The following AK5 variants were observed in gnomAD, a reference collection of about 807,000 sequenced individuals.
AK5 encodes the protein adenylate kinase 5.
AK5 carries 27 observed loss-of-function variants against 69.5 expected under a neutral mutation model. That is an observed-to-expected ratio of 0.39 (90% CI 0.29 to 0.54). The LOEUF (loss-of-function observed/expected upper bound fraction) is 0.54, where lower values mean the gene tolerates loss of function less well. AK5 is among the 20% of genes least tolerant of loss of function. The pLI is 0.71. For synonymous variants in AK5, 260 were observed against 244.4 expected (o/e 1.06, Z -0.60); for missense variants, 531 against 700.4 (o/e 0.76, Z 2.73).
At chr1:77,398,079 T>C (rs1041537202) in intron 6 of AK5, among the ~76,000 whole-genome samples, 8 of 152,200 alleles carry the variant, frequency 5.3e-5, no homozygotes, top group Non-Finnish European at 1.2e-4. Flanking sequence ...ACAATAATTA[T>C]GAACTGACCA....
At chr1:77,319,585 A>AAC (rs1370093248) in intron 5 of AK5, among the ~76,000 whole-genome samples, 3 of 152,198 alleles carry the variant, frequency 2.0e-5, no homozygotes, top group Non-Finnish European at 4.4e-5. Context: ...GCCCAGTGGT[A>AAC]ACATTTTGTA....
rs187002368 is a variant in AK5, at chr1:77,465,031, G to A, written c.1060-18286G>A. ...GTTGCTCTTGGAAAGAGGGAGCAGCGTCTTCCCTTTGCTTCTCTGCTTCTC... is the reference window on the plus strand; with the variant it reads ...GTTGCTCTTGGAAAGAGGGAGCAGCATCTTCCCTTTGCTTCTCTGCTTCTC... On this transcript the variant is annotated intron_variant, in intron 8 of 13. Transcript: ENST00000354567. Among the ~76,000 whole-genome samples the A allele has an allele frequency of 3.9e-5, 6 of 152,298 alleles. No homozygotes were observed. The East Asian group carries it at 5.8e-4, about 15-fold the overall frequency.
intron 8 of AK5, among the ~76,000 whole-genome samples, chr1:77,467,427 T>C (rs1654211074): frequency 6.6e-6 from 1 of 152,108 alleles, no homozygotes; most frequent in African/African-American, 2.4e-5. Context: ...AGAAAATGAA[T>C]AGGAAAAACA....
chr1:77,531,219 C>G (rs547923511), intron 12 of AK5, among the ~76,000 whole-genome samples: 1 of 152,320 alleles, frequency 6.6e-6, no homozygotes, highest in East Asian at 1.9e-4. Context: ...CGCAGTGTTA[C>G]AGCTCATAAA....
intron 8 of AK5, among the ~76,000 whole-genome samples, chr1:77,448,520 G>A (rs1191206278): frequency 2.6e-5 from 4 of 152,188 alleles, no homozygotes; most frequent in Non-Finnish European, 5.9e-5. Flanking sequence ...CCTGTGGATA[G>A]GAACTACCCA....
At chr1:77,411,416 G>A (rs566740672) in intron 7 of AK5, among the ~76,000 whole-genome samples, 1 of 152,154 alleles carries the variant, frequency 6.6e-6, no homozygotes, top group East Asian at 1.9e-4. Flanking sequence ...TAACTCATAC[G>A]ATAGGTTTCT....
intron 6 of AK5, among the ~76,000 whole-genome samples, chr1:77,397,080 GT>G (rs1216038684): frequency 6.6e-6 from 1 of 152,160 alleles, no homozygotes; most frequent in African/African-American, 2.4e-5. Flanking sequence ...TCAGATAACT[GT>G]AAGAAAAGGA....
At chr1:77,544,627 A>G (rs1659446662) in intron 13 of AK5, among the ~76,000 whole-genome samples, 1 of 151,992 alleles carries the variant, frequency 6.6e-6, no homozygotes, top group Non-Finnish European at 1.5e-5. Context: ...GGTTAGAATC[A>G]TCATGCCACT....
intron 10 of AK5, among the ~76,000 whole-genome samples, chr1:77,488,008 T>C (rs1655708454): frequency 6.6e-6 from 1 of 152,158 alleles, no homozygotes; most frequent in African/African-American, 2.4e-5. Context: ...AGGTGATTAC[T>C]TTAGAGAGGG....
At chr1:77,415,913 C>T (rs1311690125) in intron 7 of AK5, among the ~76,000 whole-genome samples, 1 of 152,134 alleles carries the variant, frequency 6.6e-6, no homozygotes, top group Non-Finnish European at 1.5e-5. Flanking sequence ...TCTCATTTTC[C>T]TCTTTTCTAA....
Position 77,533,509 on chromosome 1 carries a change from CAAAAA to C in AK5, c.1429-2316_1429-2312del, listed in dbSNP as rs10526328. Among the ~76,000 whole-genome samples the C allele has an allele frequency of 1.4e-3, 132 of 94,926 alleles. 7 individuals are homozygous for C. Among genetic ancestry groups the C allele is most frequent in the South Asian group, 4.2e-3 (12 of 2,834 alleles). The allele number at this position is 94,926 out of a possible 152,430, so 62.3% of individuals were successfully genotyped here. A position where few individuals can be genotyped will look rare whatever the true frequency, so the allele number is the denominator to read the frequency against. ...AGGCTGCAGAGCAAGACTCTGTCAC[CAAAAA>C]AAAAAAAAAAAAAAAAAAAAACAGA... is the stretch of plus-strand genomic sequence containing the variant. On this transcript the variant is annotated intron_variant, in intron 12 of 13. Coordinates refer to ENST00000354567, the MANE Select transcript of AK5 (RefSeq NM_174858.3).
intron 8 of AK5, among the ~76,000 whole-genome samples, chr1:77,438,352 A>C (rs1360640733): frequency 1.3e-5 from 2 of 150,976 alleles, no homozygotes; most frequent in Admixed American, 6.6e-5. Flanking sequence ...AATAACGCCT[A>C]AGATGGCCAT....
intron 8 of AK5, among the ~76,000 whole-genome samples, chr1:77,436,194 C>T (rs1026844036): frequency 2.0e-5 from 3 of 151,992 alleles, no homozygotes; most frequent in Admixed American, 6.5e-5. Context: ...TTTCTAAATT[C>T]GTATTTTGAA....
In AK5 at chr1:77,320,889, A is replaced by G. The variant is rs1161698948; in HGVS notation, c.700-19488A>G. Among the ~76,000 whole-genome samples the G allele has an allele frequency of 1.3e-5, 2 of 152,268 alleles. 1 individual carries two copies. The highest frequency in any genetic ancestry group is 3.8e-4 in the East Asian group (2 of 5,202). On this transcript the variant is annotated intron_variant, in intron 5 of 13. Coordinates refer to ENST00000354567, the MANE Select transcript of AK5 (RefSeq NM_174858.3). ...GTGAATGCATCAATTCATCAGAAAG[A>G]CATACAATTTATAAATGTGTATATA... is the stretch of plus-strand genomic sequence containing the variant.
At chr1:77,409,768 G>C (rs1040916599) in intron 6 of AK5, among the ~76,000 whole-genome samples, 3 of 152,138 alleles carry the variant, frequency 2.0e-5, no homozygotes, top group Non-Finnish European at 4.4e-5. Flanking sequence ...GTCAATTTTT[G>C]CTGTTGTTGC....
intron 8 of AK5, among the ~76,000 whole-genome samples, chr1:77,426,933 T>A (rs1651248956): frequency 6.6e-6 from 1 of 152,062 alleles, no homozygotes; most frequent in Admixed American, 6.6e-5. Context: ...TATTTTGAAC[T>A]AAATGAAAAT....
At chr1:77,282,715 G>A (rs1570304549) in intron 1 of AK5, 3 of 1,073,368 alleles carry the variant, frequency 2.8e-6, no homozygotes, top group East Asian at 1.4e-4. Context: ...GCGAGGGCCA[G>A]GTCAGGTGGC....
At chr1:77,326,337 A>G (rs1660802730) in intron 5 of AK5, among the ~76,000 whole-genome samples, 1 of 152,222 alleles carries the variant, frequency 6.6e-6, no homozygotes, top group South Asian at 2.1e-4. Flanking sequence ...ATAGGACTAT[A>G]TTAAGCATGA....
intron 6 of AK5, among the ~76,000 whole-genome samples, chr1:77,373,622 A>C (rs1406503838): frequency 6.6e-6 from 1 of 152,060 alleles, no homozygotes; most frequent in Admixed American, 6.6e-5. Context: ...GCTACTCGGG[A>C]GGCTGAGGCA....
Sources: allele counts gnomAD v4.1 joint callset (sites outside exome capture counted in the v4.1 genomes callset), GRCh38; gene constraint gnomAD v4.1.1; transcripts MANE v1.5; gene names NCBI Gene and HGNC (gene_info 2026-07-23, HGNC 2026-07-21).